The following WDPCP variants were observed in gnomAD, a reference collection of about 807,000 sequenced individuals.
The protein encoded by WDPCP is WD repeat containing planar cell polarity effector.
Under a neutral mutation model 93.1 loss-of-function variants are expected in WDPCP, and 71 were observed. That is an observed-to-expected ratio of 0.76 (90% confidence interval 0.63 to 0.93). The LOEUF (loss-of-function observed/expected upper bound fraction) is 0.93, where lower values mean the gene tolerates loss of function less well. Among genes scored for constraint, WDPCP ranks in the 40% least tolerant of loss-of-function variants. The pLI, the probability that WDPCP is intolerant of heterozygous loss-of-function variation, is 0.00. For missense variants in WDPCP, 844 were observed against 887.4 expected (o/e 0.95, Z 0.62); for synonymous variants, 315 against 315.0 (o/e 1.00, Z 0.00).
chr2:63,248,810 G>A (rs1680488917), intron 14 of WDPCP, among the ~76,000 whole-genome samples: 1 of 151,636 alleles, frequency 6.6e-6, no homozygotes, highest in Non-Finnish European at 1.5e-5. Flanking sequence ...AACTTCTCTA[G>A]TAAATTTTTA....
chr2:63,612,566 A>G (rs978873659), intron 3 of WDPCP, among the ~76,000 whole-genome samples: 1 of 152,222 alleles, frequency 6.6e-6, no homozygotes, highest in Non-Finnish European at 1.5e-5. Context: ...TGGCACTGAC[A>G]TGGACATATG....
intron 2 of WDPCP, among the ~76,000 whole-genome samples, chr2:63,693,703 G>A (rs1037368329): frequency 6.6e-6 from 1 of 152,152 alleles, no homozygotes; most frequent in Non-Finnish European, 1.5e-5. Context: ...ACCTTTGAAT[G>A]TTAGGAATGC....
At chr2:63,813,716 G>T (rs1670890795) in intron 1 of WDPCP, 1 of 152,180 alleles carries the variant, frequency 6.6e-6, no homozygotes, top group African/African-American at 2.4e-5. Flanking sequence ...ACCTAGAACA[G>T]TGTGTGGAAT....
At chr2:63,580,191 A>C (rs1159776101) in intron 1 of WDPCP, among the ~76,000 whole-genome samples, 1 of 152,228 alleles carries the variant, frequency 6.6e-6, no homozygotes, top group Non-Finnish European at 1.5e-5. Flanking sequence ...GGAAAAACTC[A>C]AACTTACAGT....
intron 1 of WDPCP, among the ~76,000 whole-genome samples, chr2:63,561,816 T>C (rs926997219): frequency 2.6e-5 from 4 of 152,180 alleles, no homozygotes; most frequent in Admixed American, 2.6e-4. Context: ...AAAACCACAA[T>C]GAGATACCAT....
At chr2:63,819,957 G>A (rs2104121972) in intron 1 of WDPCP, among the ~76,000 whole-genome samples, 1 of 152,306 alleles carries the variant, frequency 6.6e-6, no homozygotes, top group Middle Eastern at 3.4e-3. Context: ...TTACTTCCAA[G>A]GGACTCTGGC....
chr2:63,591,272 A>G (rs1288658398), upstream of WDPCP, among the ~76,000 whole-genome samples: 3 of 152,234 alleles, frequency 2.0e-5, no homozygotes, highest in African/African-American at 7.2e-5. Context: ...CCTGCTTTTC[A>G]ACTGCAATGT....
intron 2 of WDPCP, among the ~76,000 whole-genome samples, chr2:63,771,872 C>A (rs750084071): frequency 2.6e-5 from 4 of 151,770 alleles, no homozygotes; most frequent in Non-Finnish European, 2.9e-5. Flanking sequence ...AAAGGACTTA[C>A]TTTTGATATT....
chr2:63,439,871 G>C lies in WDPCP; in HGVS notation c.385C>G (p.Leu129Val), dbSNP rs191796211. The change falls in exon 7 of 18, where the codon CTC (leucine) becomes GTC (valine). Residue 129 changes from leucine (L) to valine (V), a missense_variant and splice_region_variant. Physicochemically the swap from Leu to Val is conservative, Grantham distance 32. Coordinates refer to ENST00000272321, the MANE Select transcript of WDPCP (RefSeq NM_015910.7). ...SKWKNKYVCQ[L>V]LFGSGVLVSL... ...ACCAGCACACCTGAACCAAAAAGGA[G>C]CTAAAACCAGGTAAGTGGGGGAGAG... 3.2e-4 allele frequency: 521 copies of C among 1,612,386 alleles called. 1 individual carries two copies. In the African/African-American group the frequency reaches 6.7e-3, roughly 21 times the overall value.
At chr2:63,125,055 T>A (rs1188990501) in intron 17 of WDPCP, among the ~76,000 whole-genome samples, 1 of 152,202 alleles carries the variant, frequency 6.6e-6, no homozygotes, top group African/African-American at 2.4e-5. Context: ...GCTATTCAAG[T>A]TTCACTACTG....
chr2:63,246,621 C>T (rs750482544), intron 14 of WDPCP, among the ~76,000 whole-genome samples: 23 of 152,168 alleles, frequency 1.5e-4, no homozygotes, highest in Non-Finnish European at 1.8e-4. Flanking sequence ...GTTGCCAACA[C>T]TTTGAACACA....
chr2:63,809,334 A>AG (rs1329298887), intron 2 of WDPCP, among the ~76,000 whole-genome samples: 2 of 148,624 alleles, frequency 1.3e-5, no homozygotes, highest in Non-Finnish European at 3.0e-5. Flanking sequence ...CCGGGAGGTG[A>AG]GGGGCGCCTC....
At chr2:63,211,698 C>T (rs13030879) in intron 14 of WDPCP, among the ~76,000 whole-genome samples, 34,320 of 152,010 alleles carry the variant, frequency 0.23, 4,401 homozygotes, top group Middle Eastern at 0.35. Flanking sequence ...TTGAACCCAT[C>T]GCAAAGAAGC....
intron 14 of WDPCP, among the ~76,000 whole-genome samples, chr2:63,186,376 A>C (rs1674641224): frequency 6.6e-6 from 1 of 151,806 alleles, no homozygotes; most frequent in Non-Finnish European, 1.5e-5. Context: ...CAGTCCCAGC[A>C]CTCCATTCTC....
intron 12 of WDPCP, among the ~76,000 whole-genome samples, chr2:63,354,693 T>C (rs2104589218): frequency 6.6e-6 from 1 of 150,422 alleles, no homozygotes; most frequent in East Asian, 1.9e-4. Flanking sequence ...CATATATGTG[T>C]GTGTATGTAT....
intron 2 of WDPCP, among the ~76,000 whole-genome samples, chr2:63,701,391 C>G (rs915274593): frequency 6.6e-6 from 1 of 152,166 alleles, no homozygotes; most frequent in Non-Finnish European, 1.5e-5. Flanking sequence ...AACCTTCATA[C>G]ACCGTTGGTG....
intron 9 of WDPCP, among the ~76,000 whole-genome samples, chr2:63,412,394 T>C (rs6546004): frequency 0.81 from 122,766 of 152,114 alleles, 50,201 homozygotes; most frequent in East Asian, 0.98. Flanking sequence ...GTAATAAATT[T>C]CATCTATGAC....
intron 12 of WDPCP, among the ~76,000 whole-genome samples, chr2:63,357,112 A>G (rs991392408): frequency 6.6e-6 from 1 of 152,226 alleles, no homozygotes; most frequent in Non-Finnish European, 1.5e-5. Flanking sequence ...ACATCATACA[A>G]AAATCAACTC....
At chr2:63,464,729 A>G (rs1361622141) in intron 6 of WDPCP, among the ~76,000 whole-genome samples, 2 of 152,142 alleles carry the variant, frequency 1.3e-5, no homozygotes, top group Non-Finnish European at 2.9e-5. Context: ...ATCTTGTCAC[A>G]TGCTACGACA....
Sources: gnomAD v4.1 joint callset for allele counts (sites outside exome capture counted in the v4.1 genomes callset) on GRCh38, gnomAD v4.1.1 for gene constraint, MANE v1.5 for transcripts, NCBI Gene and HGNC (gene_info 2026-07-23, HGNC 2026-07-21) for gene names.